SPIRE1: variants seen among roughly 807,000 people sequenced by gnomAD.
SPIRE1 encodes protein spire homolog 1.
SPIRE1 carries 40 observed loss-of-function variants against 94.1 expected under a neutral mutation model. That is an observed-to-expected ratio of 0.43 (90% confidence interval 0.33 to 0.55). The LOEUF (loss-of-function observed/expected upper bound fraction) is 0.55. Among genes scored for constraint, SPIRE1 ranks in the 20% least tolerant of loss-of-function variants. The probability of loss-of-function intolerance (pLI) is 0.06; values close to 1 mark genes in which losing one functional copy is unlikely to be tolerated. For missense variants in SPIRE1, 838 were observed against 975.2 expected (o/e 0.86, Z 1.87); for synonymous variants, 376 against 371.7 (o/e 1.01, Z -0.13).
At chr18:12,551,178 G>A (rs1044720907) in intron 2 of SPIRE1, among the ~76,000 whole-genome samples, 2 of 152,100 alleles carry the variant, frequency 1.3e-5, no homozygotes, top group African/African-American at 4.8e-5. Flanking sequence ...CCACTAAAAT[G>A]TAAGGCCCAT....
At chr18:12,625,871 C>T (rs1449016131) in intron 2 of SPIRE1, among the ~76,000 whole-genome samples, 3 of 152,012 alleles carry the variant, frequency 2.0e-5, no homozygotes, top group Non-Finnish European at 4.4e-5. Context: ...GGTGAAACCC[C>T]GTCTCTACTA....
chr18:12,613,418 T>C (rs1029104234), intron 2 of SPIRE1, among the ~76,000 whole-genome samples: 4 of 152,192 alleles, frequency 2.6e-5, no homozygotes, highest in African/African-American at 4.8e-5. Context: ...CCAAAACTTC[T>C]CTTGTCCCTT....
At chr18:12,608,890 C>T (rs1055093414) in intron 2 of SPIRE1, among the ~76,000 whole-genome samples, 6 of 152,152 alleles carry the variant, frequency 3.9e-5, no homozygotes, top group Non-Finnish European at 8.8e-5. Flanking sequence ...CTGAGGATTA[C>T]TAGTAGAACT....
chr18:12,588,136 T>C (rs1210211365), intron 2 of SPIRE1, among the ~76,000 whole-genome samples: 1 of 152,226 alleles, frequency 6.6e-6, no homozygotes, highest in African/African-American at 2.4e-5. Context: ...TGTTGAAGCA[T>C]GTATCAGTAC....
chr18:12,647,916 T>G (rs1031029199), intron 1 of SPIRE1, among the ~76,000 whole-genome samples: 1 of 152,106 alleles, frequency 6.6e-6, no homozygotes, highest in African/African-American at 2.4e-5. Flanking sequence ...TGAAACATCT[T>G]GCAGTGCCAG....
chr18:12,506,715 A>G (rs1257822484), intron 5 of SPIRE1, 74 bp from the exon 6 acceptor site: 8 of 1,352,394 alleles, frequency 5.9e-6, no homozygotes, highest in Non-Finnish European at 8.2e-6. Context: ...GTCATACAGA[A>G]TAAATGAAGA....
chr18:12,587,458 G>A (rs537114028), intron 2 of SPIRE1, among the ~76,000 whole-genome samples: 1 of 151,300 alleles, frequency 6.6e-6, no homozygotes, highest in Non-Finnish European at 1.5e-5. Flanking sequence ...GGTAGCCAAA[G>A]CAAGAGAATG....
chr18:12,651,638 C>T (rs1190229103), intron 1 of SPIRE1, among the ~76,000 whole-genome samples: 2 of 152,140 alleles, frequency 1.3e-5, no homozygotes, highest in Non-Finnish European at 2.9e-5. Context: ...CACGCCACTG[C>T]CTCCAGCCTG....
At chr18:12,519,272 T>G (rs1448742193) in intron 4 of SPIRE1, among the ~76,000 whole-genome samples, 1 of 152,194 alleles carries the variant, frequency 6.6e-6, no homozygotes, top group Non-Finnish European at 1.5e-5. Context: ...GCAATTCATT[T>G]CTAGGTTCTA....
intron 8 of SPIRE1, among the ~76,000 whole-genome samples, chr18:12,486,614 G>C (rs1008182344): frequency 6.6e-6 from 1 of 152,188 alleles, no homozygotes; most frequent in African/African-American, 2.4e-5. Context: ...CCCCAGGCAA[G>C]TTACTTAACC....
chr18:12,452,615 G>T (rs1209640522), intron 14 of SPIRE1, 103 bp from the exon 15 acceptor site: 3 of 1,115,912 alleles, frequency 2.7e-6, no homozygotes, highest in Non-Finnish European at 4.1e-6. Context: ...ACAATAAACT[G>T]CATAACTCTC....
At chr18:12,494,966 C>T (rs1475079130) in intron 7 of SPIRE1, among the ~76,000 whole-genome samples, 18 of 135,876 alleles carry the variant, frequency 1.3e-4, no homozygotes, top group African/African-American at 4.2e-4. Flanking sequence ...AGGAGAATGG[C>T]GTGAACCCAG....
At chr18:12,607,596 TACACACACACACACAC>T (rs34187168) in intron 2 of SPIRE1, among the ~76,000 whole-genome samples, 10 of 146,336 alleles carry the variant, frequency 6.8e-5, no homozygotes, top group East Asian at 2.0e-4. Context: ...TCCACAGCAC[TACACACACACACACAC>T]ACACACACAC....
intron 2 of SPIRE1, among the ~76,000 whole-genome samples, chr18:12,551,249 G>A (rs1339321926): frequency 2.0e-5 from 3 of 152,132 alleles, no homozygotes; most frequent in African/African-American, 7.2e-5. Context: ...ATGTCATACA[G>A]CACTTGGTTC....
At chr18:12,606,670 A>T (rs2036986583) in intron 2 of SPIRE1, among the ~76,000 whole-genome samples, 1 of 151,954 alleles carries the variant, frequency 6.6e-6, no homozygotes, top group Non-Finnish European at 1.5e-5. Context: ...AGCTGGGATT[A>T]CAAGCATGCA....
intron 3 of SPIRE1, among the ~76,000 whole-genome samples, chr18:12,541,069 A>T (rs1598450904): frequency 6.6e-6 from 1 of 152,192 alleles, no homozygotes; most frequent in East Asian, 1.9e-4. Flanking sequence ...GTTATTATTC[A>T]GTTTATTTCC....
upstream of SPIRE1, chr18:12,658,922 C>T (rs895651158): frequency 7.9e-6 from 2 of 253,356 alleles, no homozygotes; most frequent in African/African-American, 2.3e-5. Context: ...TTGGTCCCTT[C>T]CCTCACTAAG....
Position 12,657,727 on chromosome 18 carries a change from CG to C in SPIRE1, c.139del (p.Arg47GlyfsTer95). 1 of 1,403,748 alleles carries C rather than the reference CG, an allele frequency of 7.1e-7. No homozygotes were observed. The highest frequency in any genetic ancestry group is 9.3e-7 in the Non-Finnish European group (1 of 1,070,766). The allele number at this position is 1,403,748 out of a possible 1,614,324, so 87.0% of individuals were successfully genotyped here. On this transcript the variant is annotated frameshift_variant, in exon 1 of 17. Coordinates refer to ENST00000409402, the MANE Select transcript of SPIRE1 (RefSeq NM_001128626.2). LOFTEE classifies it high-confidence loss of function. Reference sequence around the variant, plus strand: ...CTCGTTGATGGGCTGGTTGTACAGCCGCAGGATCTCCTCCAGGCTCAGCGCG... The same window carrying C: ...CTCGTTGATGGGCTGGTTGTACAGCCCAGGATCTCCTCCAGGCTCAGCGCG... Reference protein sequence around the residue: ...RDALSLEEILRLYNQPINEEQ... With the variant: ...RDALSLEEILXLYNQPINEEQ...
chr18:12,549,439 GTTTTTTT>G (rs869122444), intron 2 of SPIRE1, among the ~76,000 whole-genome samples: 7 of 41,258 alleles, frequency 1.7e-4, no homozygotes, highest in Admixed American at 3.9e-4. Context: ...TGTTATTGTT[GTTTTTTT>G]TTTTTTTTTT....
Sources: gnomAD v4.1 joint callset for allele counts (sites outside exome capture counted in the v4.1 genomes callset) on GRCh38, gnomAD v4.1.1 for gene constraint, MANE v1.5 for transcripts, NCBI Gene and HGNC (gene_info 2026-07-23, HGNC 2026-07-21) for gene names.